The following SCRN1 variants were observed in gnomAD, a reference collection of about 807,000 sequenced individuals.
SCRN1 encodes the protein secernin 1, also known as secernin-1.
A neutral mutation model predicts 43.3 loss-of-function variants in SCRN1; 19 were observed. The ratio of observed to expected loss-of-function variants is 0.44; its 90% CI spans 0.31 to 0.64. The LOEUF is 0.64. Among genes scored for constraint, SCRN1 ranks in the 30% least tolerant of loss-of-function variants. The pLI is 0.09. For missense variants in SCRN1, 447 were observed against 524.1 expected (o/e 0.85, Z 1.44); for synonymous variants, 183 against 188.9 (o/e 0.97, Z 0.26).
In SCRN1 at chr7:29,950,194, TC is replaced by T. The variant is rs1787874560; in HGVS notation, c.341+4984del. Among the ~76,000 whole-genome samples the T allele has an allele frequency of 1.3e-5, 2 of 152,124 alleles. No individual in the cohort carries two copies. Among genetic ancestry groups the T allele is most frequent in the Admixed American group, 1.3e-4 (2 of 15,280 alleles). On this transcript the variant is annotated intron_variant, in intron 3 of 7. Transcript: ENST00000242059. This position sits in a 1 kb window ranked among gnomAD's most constrained non-coding sequence, Gnocchi z 4.5. ...GCCTGCTTCCTGCTCCCTGACCTCTTCCCGCTTCCCAGCACCTGCTCCAGTG... is the reference window on the plus strand; with the variant it reads ...GCCTGCTTCCTGCTCCCTGACCTCTTCCGCTTCCCAGCACCTGCTCCAGTG...
chr7:29,958,815 A>AT (rs939778900), intron 2 of SCRN1, among the ~76,000 whole-genome samples: 3 of 152,204 alleles, frequency 2.0e-5, no homozygotes, highest in Non-Finnish European at 4.4e-5. Context: ...ACATAACAAT[A>AT]TAAGAATGCC....
intron 6 of SCRN1, among the ~76,000 whole-genome samples, chr7:29,930,788 A>T (rs1787131894): frequency 6.6e-6 from 1 of 152,208 alleles, no homozygotes; most frequent in Admixed American, 6.5e-5. Context: ...GGAATACAAG[A>T]CGATGGGCCC....
chr7:29,934,886 A>G (rs532314233), intron 6 of SCRN1, among the ~76,000 whole-genome samples: 3 of 152,338 alleles, frequency 2.0e-5, no homozygotes, highest in Non-Finnish European at 2.9e-5. Context: ...AGTGACCAGC[A>G]TCACCTACAG....
chr7:29,944,476 C>G (rs188235061), intron 3 of SCRN1, among the ~76,000 whole-genome samples: 50 of 152,070 alleles, frequency 3.3e-4, no homozygotes, highest in African/African-American at 1.2e-3. Context: ...GCCTGGGCAA[C>G]ATAGCGAGAC....
intron 1 of SCRN1, among the ~76,000 whole-genome samples, chr7:29,971,189 G>C (rs1052656936): frequency 2.0e-5 from 3 of 152,226 alleles, no homozygotes; most frequent in Non-Finnish European, 2.9e-5. Flanking sequence ...CCTACTAGCT[G>C]TGTGACCTGC....
In SCRN1 at chr7:29,989,512, G is replaced by A. The variant is rs964188653; in HGVS notation, c.-2+130C>T. ...CGGGCCAGCACCGGGAATCGGCCTG[G>A]GGTAACGCTACCCGCGGGTTCGGAG... On this transcript the variant is annotated intron_variant, in intron 1 of 7. Coordinates refer to ENST00000242059, the MANE Select transcript of SCRN1 (RefSeq NM_014766.5). 6 of 975,136 alleles carry A rather than the reference G, an allele frequency of 6.2e-6. No homozygotes were observed. In the South Asian group the frequency reaches 2.8e-4, roughly 46 times the overall value. 60.4% of individuals were successfully genotyped at this position (975,136 alleles called of 1,614,324 possible).
intron 6 of SCRN1, among the ~76,000 whole-genome samples, chr7:29,928,922 G>A (rs956506834): frequency 2.0e-5 from 3 of 152,180 alleles, no homozygotes; most frequent in Admixed American, 2.0e-4. Flanking sequence ...AGTTGATTCT[G>A]CAAAAGGGCT....
In SCRN1 at chr7:29,989,723, C is replaced by G. The variant is rs1789301621; in HGVS notation, c.-83G>C. 2.0e-6 allele frequency: 2 copies of G among 985,988 alleles called. No individual in the cohort carries two copies. The highest frequency in any genetic ancestry group is 2.4e-6 in the Non-Finnish European group (2 of 830,580). 61.1% of individuals were successfully genotyped at this position (985,988 alleles called of 1,614,324 possible). A position where few individuals can be genotyped will look rare whatever the true frequency, so the allele number is the denominator to read the frequency against. On this transcript the variant is annotated 5_prime_UTR_variant, in exon 1 of 8. Coordinates refer to ENST00000242059, the MANE Select transcript of SCRN1 (RefSeq NM_014766.5). ...GCCGAGGGTGCGGGTGCTGCCGGGT[C>G]CGGATTACTGCGGCGACCTCGGGGG...
intron 2 of SCRN1, among the ~76,000 whole-genome samples, chr7:29,958,851 C>A (rs975113314): frequency 6.6e-6 from 1 of 152,190 alleles, no homozygotes; most frequent in African/African-American, 2.4e-5. Context: ...GGCAAGCATT[C>A]TTCTAAATGT....
At chr7:29,977,429 T>A (rs1037981772) in intron 1 of SCRN1, among the ~76,000 whole-genome samples, 1 of 152,250 alleles carries the variant, frequency 6.6e-6, no homozygotes, top group African/African-American at 2.4e-5. Context: ...AATTGATTTT[T>A]TCTGTTTTAA....
At chr7:29,966,569 G>A (rs1359134594) in intron 2 of SCRN1, among the ~76,000 whole-genome samples, 3 of 152,210 alleles carry the variant, frequency 2.0e-5, no homozygotes, top group Non-Finnish European at 4.4e-5. Context: ...GGAAAAGAGA[G>A]AAACATTTGG....
intron 1 of SCRN1, among the ~76,000 whole-genome samples, chr7:29,976,217 C>T (rs957064592): frequency 2.0e-5 from 3 of 152,174 alleles, no homozygotes; most frequent in African/African-American, 7.2e-5. Context: ...TCTGCACCAT[C>T]CAATACAGTA....
chr7:29,940,647 T>G, intron 5 of SCRN1, 35 bp downstream of exon 5: 7 of 1,548,104 alleles, frequency 4.5e-6, no homozygotes, highest in Non-Finnish European at 6.1e-6. Flanking sequence ...AGAAAGGGTA[T>G]GAGAAGGAGA....
intron 7 of SCRN1, 43 bp from the exon 8 acceptor site, chr7:29,924,158 G>C: frequency 1.3e-6 from 2 of 1,580,742 alleles, no homozygotes; most frequent in Non-Finnish European, 1.7e-6. Context: ...CAAAATAGCA[G>C]GGGACATTGC....
At chr7:29,937,785 A>G (rs1249239902) in intron 5 of SCRN1, among the ~76,000 whole-genome samples, 3 of 152,242 alleles carry the variant, frequency 2.0e-5, no homozygotes, top group Non-Finnish European at 4.4e-5. Context: ...TAATTTGTTA[A>G]AACACTATTT....
intron 1 of SCRN1, among the ~76,000 whole-genome samples, chr7:29,980,827 TTATGTA>T (rs1788971159): frequency 6.6e-6 from 1 of 152,212 alleles, no homozygotes; most frequent in Non-Finnish European, 1.5e-5. Context: ...GAATACATGA[TTATGTA>T]TATGTATATA....
intron 4 of SCRN1, among the ~76,000 whole-genome samples, chr7:29,943,400 C>T (rs577166086): frequency 7.9e-5 from 12 of 152,288 alleles, no homozygotes; most frequent in South Asian, 2.1e-4. Context: ...AGATGCTGCA[C>T]GGGCCACAGA....
At chr7:29,969,239 T>TAC in intron 1 of SCRN1, 171 bp from the exon 2 acceptor site, 1 of 680,700 alleles carries the variant, frequency 1.5e-6, no homozygotes, top group Non-Finnish European at 2.4e-6. Context: ...TGCAGTGGAA[T>TAC]GACAGAGCCA....
chr7:29,931,915 T>A (rs1787166666), intron 6 of SCRN1, among the ~76,000 whole-genome samples: 1 of 152,190 alleles, frequency 6.6e-6, no homozygotes, highest in African/African-American at 2.4e-5. Context: ...TGAGCCACTT[T>A]AATCATAGAG....
Sources: gnomAD v4.1 joint callset for allele counts (sites outside exome capture counted in the v4.1 genomes callset) on GRCh38, gnomAD v4.1.1 for gene constraint, Gnocchi (gnomAD v3.1) non-coding constraint, MANE v1.5 for transcripts, NCBI Gene and HGNC (gene_info 2026-07-23, HGNC 2026-07-21) for gene names.